Variants in SYTL2 observed in about 807,000 individuals in gnomAD.
SYTL2 encodes the protein synaptotagmin-like protein 2.
A neutral mutation model predicts 198.7 loss-of-function variants in SYTL2; 165 were observed. The observed-to-expected ratio is 0.83, with a 90% CI of 0.73 to 0.94. The LOEUF is 0.94. SYTL2 is among the 40% of genes least tolerant of loss of function. The pLI, the probability that SYTL2 is intolerant of heterozygous loss-of-function variation, is 0.00. For missense variants in SYTL2, 2,835 were observed against 2,582.8 expected (o/e 1.10, Z -2.12); for synonymous variants, 966 against 917.7 (o/e 1.05, Z -0.95).
rs1001113195 is a variant in SYTL2 at position 85,709,531 on chromosome 11, C to T, written c.5746-31G>A. On this transcript the variant is annotated intron_variant, in intron 13 of 19. Coordinates refer to ENST00000359152, the MANE Select transcript of SYTL2 (RefSeq NM_206927.4). The stretch of plus-strand genomic sequence containing the variant: ...AGCATCAGAAATACATAGTGTTTGT[C>T]TCTATCTCATTCTTAAACCTAGCAC... 5 of 1,602,260 alleles carry T rather than the reference C, an allele frequency of 3.1e-6. No individual in the cohort carries two copies. In the African/African-American group the frequency reaches 6.7e-5, roughly 21 times the overall value.
chr11:85,714,443 G>T lies in SYTL2; in HGVS notation c.5595C>A (p.Ser1865Arg), dbSNP rs1178694823. 3 of 1,613,680 alleles carry T rather than the reference G, an allele frequency of 1.9e-6. No individual in the cohort carries two copies. The highest frequency in any genetic ancestry group is 3.3e-4 in the Middle Eastern group (2 of 6,062). The change falls in exon 12 of 20, where the codon AGC (serine) becomes AGA (arginine). Residue 1865 changes from serine to arginine, a missense_variant. By Grantham distance (110) the Ser-to-Arg change is moderately radical. Around this residue, in one of 3 missense-constraint regions of SYTL2, gnomAD observed 2,645 missense variants for 2,381.7 expected, o/e 1.11. Transcript: ENST00000359152. ...CTTGGAGAAATGCTGGAACAGACTTGCTCATCCTTTTGAGTTTGTCAGGGT... is the reference window on the plus strand; with the variant it reads ...CTTGGAGAAATGCTGGAACAGACTTTCTCATCCTTTTGAGTTTGTCAGGGT... ...FSHPDKLKRM[S>R]KSVPAFLQDE...
chr11:85,851,139 C>T, the SYTL2 span, among the ~76,000 whole-genome samples: 2 of 151,604 alleles, frequency 1.3e-5, no homozygotes, highest in Non-Finnish European at 2.9e-5. Flanking sequence ...ATCTAACCTG[C>T]ACCATGTGCA....
chr11:85,767,190 G>C (rs946023490), intron 1 of SYTL2, among the ~76,000 whole-genome samples: 2 of 152,232 alleles, frequency 1.3e-5, no homozygotes, highest in Non-Finnish European at 2.9e-5. Flanking sequence ...AATTCTTTGC[G>C]TGGATGAGGA....
chr11:85,763,889 A>T (rs631104), intron 1 of SYTL2, among the ~76,000 whole-genome samples: 113,469 of 151,974 alleles, frequency 0.75, 42,885 homozygotes, highest in African/African-American at 0.85. Context: ...AAAGGATGGA[A>T]GGAAGGAGAA....
At chr11:85,698,136 G>T (rs1023289466) in intron 17 of SYTL2, 58 bp from the exon 18 acceptor site, 8 of 1,121,358 alleles carry the variant, frequency 7.1e-6, no homozygotes, top group Non-Finnish European at 1.1e-5. Flanking sequence ...GCAATACTGC[G>T]TCCAAAGATG....
intron 3 of SYTL2, among the ~76,000 whole-genome samples, chr11:85,747,603 T>C (rs1168585665): frequency 6.6e-6 from 1 of 152,154 alleles, no homozygotes; most frequent in East Asian, 1.9e-4. Context: ...TGACAGGCAA[T>C]AAGCAGGTGA....
At chr11:85,843,899 C>T in the SYTL2 span, among the ~76,000 whole-genome samples, 1 of 152,300 alleles carries the variant, frequency 6.6e-6, no homozygotes, top group South Asian at 2.1e-4. Context: ...TAAGCAGCTT[C>T]AGAACCCTGA....
chr11:85,853,154 G>A, the SYTL2 span: 1 of 328,268 alleles, frequency 3.0e-6, no homozygotes, highest in African/African-American at 2.3e-5. Context: ...ACCCCGTCTG[G>A]GAGGCGTACC....
At chr11:85,840,783 A>C in the SYTL2 span, among the ~76,000 whole-genome samples, 1 of 152,204 alleles carries the variant, frequency 6.6e-6, no homozygotes, top group African/African-American at 2.4e-5. Context: ...AACCCAGGCA[A>C]TACCATTCTG....
the SYTL2 span, among the ~76,000 whole-genome samples, chr11:85,820,402 A>G: frequency 6.6e-6 from 1 of 152,250 alleles, no homozygotes; most frequent in African/African-American, 2.4e-5. Context: ...ATAAAGATAA[A>G]GAACCCCTGC....
At chr11:85,705,287 T>G (rs1310616839) in intron 15 of SYTL2, 2 of 305,940 alleles carry the variant, frequency 6.5e-6, no homozygotes, top group Non-Finnish European at 1.2e-5. Context: ...GTAATAGCTC[T>G]CTAACAATAA....
intron 1 of SYTL2, among the ~76,000 whole-genome samples, chr11:85,789,676 A>T (rs1215257811): frequency 1.3e-5 from 2 of 151,918 alleles, no homozygotes; most frequent in African/African-American, 2.4e-5. Context: ...CTTTTAAACA[A>T]TCTTATGAGT....
In SYTL2 at chr11:85,727,734, G is replaced by A; in HGVS notation, c.1624C>T (p.Pro542Ser). ...TTTTCTTTGGACTCTATTCCTCGGGGATGTTGGAGGAATGACTTATTGTCA... is the reference window on the plus strand; with the variant it reads ...TTTTCTTTGGACTCTATTCCTCGGGAATGTTGGAGGAATGACTTATTGTCA... ...SDDNKSFLQH[P>S]RGIESKEKTD... The change falls in exon 8 of 20, where the codon CCC becomes TCC. Residue 542 changes from proline to serine, a missense_variant. Pro to Ser is a moderately conservative substitution (Grantham distance 74). Coordinates refer to ENST00000359152, the MANE Select transcript of SYTL2 (RefSeq NM_206927.4). The A allele has an allele frequency of 1.9e-6, 3 of 1,552,444 alleles. No homozygotes were observed. The highest frequency in any genetic ancestry group is 2.6e-6 in the Non-Finnish European group (3 of 1,147,926).
Position 85,725,552 on chromosome 11 carries a change from G to T in SYTL2, c.3806C>A (p.Pro1269His). The T allele has an allele frequency of 6.2e-7, 1 of 1,614,032 alleles. No homozygotes were observed. The highest frequency in any genetic ancestry group is 8.5e-7 in the Non-Finnish European group (1 of 1,179,980). Reference protein sequence around the residue: ...TSADKREILAPFPVRDETFGN... With the variant: ...TSADKREILAHFPVRDETFGN... ...AAAAGTTTCATCTCTCACTGGAAAA[G>T]GAGCTAGTATTTCTCTCTTATCAGC... Residue 1269 changes from proline to histidine, a missense_variant, in exon 8 of 20, where the codon CCT becomes CAT. By Grantham distance (77) the Pro-to-His change is moderately conservative. Transcript: ENST00000359152.
intron 11 of SYTL2, chr11:85,716,598 T>C (rs290191): frequency 0.57 from 86,935 of 151,636 alleles, 25,522 homozygotes; most frequent in Non-Finnish European, 0.64. Flanking sequence ...TTATTTAAAA[T>C]ATTGTGGCCC....
Position 85,743,583 on chromosome 11 carries a change from A to C in SYTL2, c.389+2054T>G, listed in dbSNP as rs1306903850. On this transcript the variant is annotated intron_variant, in intron 4 of 19. Coordinates refer to ENST00000359152, the MANE Select transcript of SYTL2 (RefSeq NM_206927.4). ...TGGTGAGGAAATTCTGTTCTGATTT[A>C]CAGATGAGACCTGAAAGACTTGCCT... is the stretch of plus-strand genomic sequence containing the variant. 2.0e-5 allele frequency among the ~76,000 whole-genome samples: 3 copies of C among 152,226 alleles called. No individual in the cohort carries two copies. In the East Asian group the frequency reaches 5.8e-4, roughly 29 times the overall value.
In SYTL2 at chr11:85,696,323, T is replaced by G; in HGVS notation, c.6434A>C (p.Asn2145Thr). ...CACCATAGTGTGGTTGAAGATAGGG[T>G]TGGTGGTTTTCCCTACAGCTCTTGT... ...QKTRAVGKTT[N>T]PIFNHTMVYD... The change falls in exon 19 of 20, where the codon AAC becomes ACC. Residue 2145 changes from asparagine (N) to threonine (T), a missense_variant. Coordinates refer to ENST00000359152, the MANE Select transcript of SYTL2 (RefSeq NM_206927.4). 2 of 1,613,876 alleles carry G rather than the reference T, an allele frequency of 1.2e-6. No homozygotes were observed. The highest frequency in any genetic ancestry group is 2.7e-5 in the African/African-American group (2 of 74,992).
At chr11:85,745,403 C>A (rs2091082181) in intron 4 of SYTL2, among the ~76,000 whole-genome samples, 1 of 152,206 alleles carries the variant, frequency 6.6e-6, no homozygotes, top group Admixed American at 6.5e-5. Flanking sequence ...GAAATCACCA[C>A]TTAACATTTT....
the SYTL2 span, among the ~76,000 whole-genome samples, chr11:85,825,265 G>A: frequency 6.6e-6 from 1 of 151,158 alleles, no homozygotes; most frequent in Admixed American, 6.6e-5. Context: ...GCGGGCGCCT[G>A]TAGTCCCAGC....
Sources: gnomAD v4.1 joint callset for allele counts (sites outside exome capture counted in the v4.1 genomes callset) on GRCh38, gnomAD v4.1.1 for gene constraint, gnomAD v4.1.1 regional missense constraint, MANE v1.5 for transcripts, NCBI Gene and HGNC (gene_info 2026-07-23, HGNC 2026-07-21) for gene names.